Variants in DBT observed in about 807,000 individuals in gnomAD.
DBT encodes the protein lipoamide acyltransferase component of branched-chain alpha-keto acid dehydrogenase complex, mitochondrial.
In DBT, 40 loss-of-function variants were observed where a neutral mutation model predicts 51.3. The observed-to-expected ratio is 0.78, with a 90% CI of 0.61 to 1.02. The LOEUF is 1.02. Ranked by LOEUF, DBT falls within the 50% of genes least tolerant of loss-of-function variation. The pLI is 0.00. For missense variants in DBT, 510 were observed against 580.2 expected (o/e 0.88, Z 1.24); for synonymous variants, 181 against 190.4 (o/e 0.95, Z 0.41).
rs774540782 is a variant in DBT, at chr1:100,235,525, T to A, written c.176-14A>T. The A allele has an allele frequency of 6.8e-7, 1 of 1,467,282 alleles. No homozygotes were observed. The highest frequency in any genetic ancestry group is 9.5e-7 in the Non-Finnish European group (1 of 1,047,900). 90.9% of individuals were successfully genotyped at this position (1,467,282 alleles called of 1,614,324 possible). ...GTCCACGGAGAGCTTCAAAGACAAA[T>A]GAGAAATGATCTCATTAAGTATATA... On this transcript the variant is annotated splice_polypyrimidine_tract_variant and intron_variant, in intron 2 of 10. Transcript: ENST00000370132.
In DBT at chr1:100,231,970, G is replaced by A. The variant is rs567503386; in HGVS notation, c.252-1056C>T. ...GATCACCACAAAAAGCAAAATCCCC[G>A]GAGAAACTGGCACTACAGATGGTCT... On this transcript the variant is annotated intron_variant, in intron 3 of 10. Coordinates refer to ENST00000370132, the MANE Select transcript of DBT (RefSeq NM_001918.5). Among the ~76,000 whole-genome samples the A allele has an allele frequency of 2.8e-4, 42 of 152,220 alleles. 1 individual carries two copies. Among genetic ancestry groups the A allele is most frequent in the African/African-American group, 7.5e-4 (31 of 41,554 alleles).
At position 100,187,009 on chromosome 1, in the gene DBT, T is replaced by A. The variant is rs959819196; in HGVS notation, c.*9246A>T. On this transcript the variant is annotated 3_prime_UTR_variant, in exon 11 of 11. Coordinates refer to ENST00000370132, the MANE Select transcript of DBT (RefSeq NM_001918.5). Reference sequence around the variant, plus strand: ...TGGAAATGACTTTTAAATCTCCATTTGAGAAAAAGCATGCCATGAGTCTAA... The same window carrying A: ...TGGAAATGACTTTTAAATCTCCATTAGAGAAAAAGCATGCCATGAGTCTAA... The A allele has an allele frequency of 6.6e-6, 1 of 152,220 alleles. No individual in the cohort carries two copies. The highest frequency in any genetic ancestry group is 1.5e-5 in the Non-Finnish European group (1 of 68,030). 9.4% of individuals were successfully genotyped at this position (152,220 alleles called of 1,614,324 possible). A position where few individuals can be genotyped will look rare whatever the true frequency, so the allele number is the denominator to read the frequency against.
In DBT at chr1:100,218,765, C is replaced by T. The variant is rs1557950500; in HGVS notation, c.434-18G>A. 2 of 1,611,932 alleles carry T rather than the reference C, an allele frequency of 1.2e-6. No homozygotes were observed. Among genetic ancestry groups the T allele is most frequent in the Admixed American group, 3.3e-5 (2 of 59,856 alleles). On this transcript the variant is annotated intron_variant, in intron 4 of 10. Coordinates refer to ENST00000370132, the MANE Select transcript of DBT (RefSeq NM_001918.5). ...TTCTGAATCTGGTAACAAGGTAAAA[C>T]TTAACTTCAGTTGAAAAAAAATTTT... is the stretch of plus-strand genomic sequence containing the variant.
At chr1:100,207,225 G>C (rs1003903408) in intron 8 of DBT, among the ~76,000 whole-genome samples, 1 of 152,060 alleles carries the variant, frequency 6.6e-6, no homozygotes, top group Admixed American at 6.6e-5. Flanking sequence ...AACTTCTGGG[G>C]GCTGAAATGA....
chr1:100,233,225 G>T (rs1663644805), intron 3 of DBT, among the ~76,000 whole-genome samples: 1 of 152,098 alleles, frequency 6.6e-6, no homozygotes, highest in Non-Finnish European at 1.5e-5. Flanking sequence ...AAGCAAGCAA[G>T]CTAGAGTGGC....
intron 7 of DBT, chr1:100,213,237 C>T: frequency 8.9e-7 from 1 of 1,119,184 alleles, no homozygotes; most frequent in Non-Finnish European, 1.2e-6. Context: ...GGGCCCGAGC[C>T]ACCCGGGGCG....
intron 2 of DBT, 130 bp from the exon 3 acceptor site, chr1:100,235,641 G>T: frequency 5.2e-6 from 3 of 577,686 alleles, no homozygotes; most frequent in South Asian, 2.2e-5. Flanking sequence ...CAGAAAAACA[G>T]CATTTTATAA....
intron 7 of DBT, chr1:100,213,777 G>A: frequency 4.7e-6 from 7 of 1,476,844 alleles, no homozygotes; most frequent in Non-Finnish European, 6.3e-6. Context: ...TTTGTAAAGC[G>A]AGGTGGGACC....
intron 6 of DBT, 51 bp from the exon 7 acceptor site, chr1:100,215,034 A>C: frequency 2.5e-6 from 3 of 1,211,962 alleles, no homozygotes; most frequent in Non-Finnish European, 2.2e-6. Flanking sequence ...AAATCTCTTC[A>C]TCCTTTTTTT....
At chr1:100,235,310 G>GT (rs1248213626) in intron 3 of DBT, 126 bp downstream of exon 3, 2 of 596,228 alleles carry the variant, frequency 3.4e-6, no homozygotes, top group African/African-American at 3.8e-5. Context: ...TGCATTATGT[G>GT]TTTATAAAGA....
In DBT at chr1:100,206,649, A is replaced by C. The variant is rs1557944378; in HGVS notation, c.1018-13T>G. 3 of 1,530,858 alleles carry C rather than the reference A, an allele frequency of 2.0e-6. No individual in the cohort carries two copies. Among genetic ancestry groups the C allele is most frequent in the Non-Finnish European group, 2.7e-6 (3 of 1,104,450 alleles). 94.8% of individuals were successfully genotyped at this position (1,530,858 alleles called of 1,614,324 possible). On this transcript the variant is annotated splice_polypyrimidine_tract_variant and intron_variant, in intron 8 of 10. Coordinates refer to ENST00000370132, the MANE Select transcript of DBT (RefSeq NM_001918.5). ...TGTTATGAGAAGCCTAAAAAATAAA[A>C]AATTGTACAGTAGGGCTTTTAATGA... is the stretch of plus-strand genomic sequence containing the variant.
intron 8 of DBT, among the ~76,000 whole-genome samples, chr1:100,210,369 T>C (rs951514589): frequency 2.0e-5 from 3 of 149,334 alleles, no homozygotes; most frequent in African/African-American, 4.9e-5. Context: ...AATATTAAAA[T>C]TCCAGGAATT....
chr1:100,203,297 T>C (rs1472933915), intron 10 of DBT, among the ~76,000 whole-genome samples: 3 of 152,180 alleles, frequency 2.0e-5, no homozygotes, highest in African/African-American at 7.2e-5. Flanking sequence ...AAATACAAAC[T>C]ACCATCAGAG....
At chr1:100,242,846 AAATT>A (rs1382504621) in intron 1 of DBT, among the ~76,000 whole-genome samples, 2 of 152,234 alleles carry the variant, frequency 1.3e-5, no homozygotes, top group African/African-American at 4.8e-5. Flanking sequence ...ATTTGAAAGA[AAATT>A]AAACTACTAG....
At chr1:100,218,854 A>T in intron 4 of DBT, 107 bp from the exon 5 acceptor site, 1 of 820,650 alleles carries the variant, frequency 1.2e-6, no homozygotes, top group Non-Finnish European at 1.9e-6. Flanking sequence ...AAATAAATTA[A>T]AGTTTATAGT....
At chr1:100,223,477 G>A (rs910845844) in intron 4 of DBT, among the ~76,000 whole-genome samples, 2 of 152,130 alleles carry the variant, frequency 1.3e-5, no homozygotes, top group Non-Finnish European at 2.9e-5. Flanking sequence ...GTGTGTGCGT[G>A]TTTTTAAGAA....
At position 100,244,746 on chromosome 1, in the gene DBT, TATA is replaced by T. The variant is rs541803315; in HGVS notation, c.52-3865_52-3863del. 7.4e-3 allele frequency among the ~76,000 whole-genome samples: 1,126 copies of T among 151,706 alleles called. 6 individuals are homozygous for T. The highest frequency in any genetic ancestry group is 0.013 in the Non-Finnish European group (861 of 67,990). On this transcript the variant is annotated intron_variant, in intron 1 of 10. Transcript: ENST00000370132. ...ATAACTGATAATAAAATAGAAAAAT[TATA>T]ATAATATACTGTAATAAAGGTTTTG...
At position 100,206,294 on chromosome 1, in the gene DBT, C is replaced by T. The variant is rs767154711; in HGVS notation, c.1217G>A (p.Gly406Asp). 6.2e-7 allele frequency: 1 copy of T among 1,608,236 alleles called. No homozygotes were observed. Among genetic ancestry groups the T allele is most frequent in the Admixed American group, 1.7e-5 (1 of 59,658 alleles). ...CATTATCACTGGTTTGGCAAAGGTA[C>T]CACCAATCTATTTTTTAAAAAAAAA... ...FTLSNIGSIG[G>D]TFAKPVIMPP... Residue 406 changes from glycine (G) to aspartate (D), a missense_variant, in exon 10 of 11, where the codon GGT becomes GAT. Coordinates refer to ENST00000370132, the MANE Select transcript of DBT (RefSeq NM_001918.5).
At chr1:100,237,462 T>G (rs1304489710) in intron 2 of DBT, among the ~76,000 whole-genome samples, 3 of 152,154 alleles carry the variant, frequency 2.0e-5, no homozygotes, top group Non-Finnish European at 2.9e-5. Context: ...CAGCAGTAAT[T>G]AACTGATATG....
Sources: allele counts gnomAD v4.1 joint callset (sites outside exome capture counted in the v4.1 genomes callset), GRCh38; gene constraint gnomAD v4.1.1; transcripts MANE v1.5; gene names NCBI Gene and HGNC (gene_info 2026-07-23, HGNC 2026-07-21).